USP6NL: variants seen among roughly 807,000 people sequenced by gnomAD.
USP6NL encodes the protein USP6 N-terminal like.
In USP6NL, 26 loss-of-function variants were observed where a neutral mutation model predicts 61.9. The ratio of observed to expected loss-of-function variants is 0.42; its 90% CI spans 0.31 to 0.58. The LOEUF (loss-of-function observed/expected upper bound fraction) is 0.58, where lower values mean the gene tolerates loss of function less well. Among genes scored for constraint, USP6NL ranks in the 20% least tolerant of loss-of-function variants. USP6NL has a pLI of 0.16. For synonymous variants in USP6NL, 432 were observed against 390.1 expected (o/e 1.11, Z -1.27); for missense variants, 1,114 against 1,034.3 (o/e 1.08, Z -1.06).
At position 11,465,502 on chromosome 10, in the gene USP6NL, C is replaced by G. The variant is rs534928973; in HGVS notation, c.1079-1653G>C. On this transcript the variant is annotated intron_variant, in intron 14 of 14. Coordinates refer to ENST00000609104, the MANE Select transcript of USP6NL (RefSeq NM_014688.5). This position sits in a 1 kb window ranked among gnomAD's most constrained non-coding sequence, Gnocchi z 4.5. ...GCAGAGAGCCACCAACTTTTTAGCT[C>G]ACATGAAATAATTTAAAATGTCTTT... Among the ~76,000 whole-genome samples, 119 of 152,256 alleles carry G rather than the reference C, an allele frequency of 7.8e-4. 2 individuals carry two copies. Among genetic ancestry groups the G allele is most frequent in the African/African-American group, 2.7e-3 (113 of 41,542 alleles).
At chr10:11,541,033 A>C (rs971897402) in intron 2 of USP6NL, among the ~76,000 whole-genome samples, 1 of 151,820 alleles carries the variant, frequency 6.6e-6, no homozygotes, top group African/African-American at 2.4e-5. Flanking sequence ...ACAGTACCAC[A>C]GAATTCTCAC....
At chr10:11,544,244 G>C (rs938804626) in intron 2 of USP6NL, among the ~76,000 whole-genome samples, 10 of 151,868 alleles carry the variant, frequency 6.6e-5, no homozygotes, top group Admixed American at 2.0e-4. Context: ...TAAACTCTAT[G>C]AAGAAGTCAC....
chr10:11,521,063 T>C (rs539698538), intron 4 of USP6NL, among the ~76,000 whole-genome samples: 1 of 152,330 alleles, frequency 6.6e-6, no homozygotes, highest in South Asian at 2.1e-4. Context: ...TTGAAAGTAT[T>C]ACTAATCGGA....
chr10:11,583,543 CTCTTTT>C (rs1837861499), intron 2 of USP6NL, among the ~76,000 whole-genome samples: 1 of 151,964 alleles, frequency 6.6e-6, no homozygotes, highest in African/African-American at 2.4e-5. Context: ...GAACTGACTT[CTCTTTT>C]AACTTTGCAA....
chr10:11,509,502 T>G lies in USP6NL; in HGVS notation c.276+93A>C, dbSNP rs1037180674. On this transcript the variant is annotated intron_variant, in intron 6 of 14. Transcript: ENST00000609104. The stretch of plus-strand genomic sequence containing the variant: ...CCAAAATTTCAAAACCAAATATGAA[T>G]GTAACACTCTTATAATTAAAGAAGA... 5 of 1,218,752 alleles carry G rather than the reference T, an allele frequency of 4.1e-6. No homozygotes were observed. In the African/African-American group the frequency reaches 7.7e-5, roughly 19 times the overall value. The allele number at this position is 1,218,752 out of a possible 1,614,324, so 75.5% of individuals were successfully genotyped here. A position where few individuals can be genotyped will look rare whatever the true frequency, so the allele number is the denominator to read the frequency against.
intron 5 of USP6NL, among the ~76,000 whole-genome samples, chr10:11,516,080 T>C (rs1834943858): frequency 6.6e-6 from 1 of 152,202 alleles, no homozygotes; most frequent in Admixed American, 6.5e-5. Flanking sequence ...AATCCATTAT[T>C]AATACAGTTC....
At position 11,460,624 on chromosome 10, in the gene USP6NL, CATATAT is replaced by C. The variant is rs57177555; in HGVS notation, c.*1811_*1816del. ...CTTGTGTGTATATATATATTTTTTG[CATATAT>C]ATATATATATATATATATATATATA... On this transcript the variant is annotated 3_prime_UTR_variant, in exon 15 of 15. Transcript: ENST00000609104. The C allele has an allele frequency of 0.13, 16,373 of 126,624 alleles. 1,009 individuals carry two copies. Among genetic ancestry groups the C allele is most frequent in the East Asian group, 0.15 (713 of 4,784 alleles). The allele number at this position is 126,624 out of a possible 1,614,324, so 7.8% of individuals were successfully genotyped here. A position where few individuals can be genotyped will look rare whatever the true frequency, so the allele number is the denominator to read the frequency against.
rs1223684329 is a variant in USP6NL, at chr10:11,513,248, C to G, written c.196-3573G>C. 1.3e-5 allele frequency among the ~76,000 whole-genome samples: 2 copies of G among 152,134 alleles called. No homozygotes were observed. The highest frequency in any genetic ancestry group is 2.9e-5 in the Non-Finnish European group (2 of 68,032). The stretch of plus-strand genomic sequence containing the variant: ...ATGAATATGAACAGATAGACTGAAA[C>G]CAGAATGTTATTTCTGATAGCAATG... On this transcript the variant is annotated intron_variant, in intron 5 of 14. Coordinates refer to ENST00000609104, the MANE Select transcript of USP6NL (RefSeq NM_014688.5). The surrounding 1 kb of genome is among the most constrained non-coding windows in gnomAD (Gnocchi z 4.7).
chr10:11,566,383 T>A (rs1300822743), intron 2 of USP6NL, among the ~76,000 whole-genome samples: 1 of 152,226 alleles, frequency 6.6e-6, no homozygotes, highest in Non-Finnish European at 1.5e-5. Context: ...ATTTGTTTAT[T>A]TACCAAACGC....
intron 2 of USP6NL, 142 bp from the exon 3 acceptor site, chr10:11,527,709 T>A: frequency 1.3e-6 from 1 of 757,050 alleles, no homozygotes; most frequent in African/African-American, 1.8e-5. Flanking sequence ...AAGGATGAGT[T>A]AAGTATTTGT....
At chr10:11,576,415 A>AAG (rs1555173261) in intron 2 of USP6NL, among the ~76,000 whole-genome samples, 1 of 151,996 alleles carries the variant, frequency 6.6e-6, no homozygotes, top group Non-Finnish European at 1.5e-5. Context: ...CTAACCCCCA[A>AAG]GGTGATGGTA....
chr10:11,543,021 A>T (rs1836128997), intron 2 of USP6NL, among the ~76,000 whole-genome samples: 1 of 152,222 alleles, frequency 6.6e-6, no homozygotes, highest in South Asian at 2.1e-4. Flanking sequence ...GTGTGAGGTC[A>T]TCAAGAAAGC....
rs146357258 is a variant in USP6NL, at chr10:11,527,643, A to G, written c.5-76T>C. ...AGTTAATTAATTATGAAACTAAGACATAATAAAACAAAAAATAAATACTGC... is the reference window on the plus strand; with the variant it reads ...AGTTAATTAATTATGAAACTAAGACGTAATAAAACAAAAAATAAATACTGC... On this transcript the variant is annotated intron_variant, in intron 2 of 14. Transcript: ENST00000609104. 299 of 1,295,858 alleles carry G rather than the reference A, an allele frequency of 2.3e-4. 1 individual carries two copies. The African/African-American group carries it at 3.9e-3, about 17-fold the overall frequency. 80.3% of individuals were successfully genotyped at this position (1,295,858 alleles called of 1,614,324 possible). A position where few individuals can be genotyped will look rare whatever the true frequency, so the allele number is the denominator to read the frequency against.
chr10:11,575,199 T>C lies in USP6NL; in HGVS notation c.4+22432A>G, dbSNP rs1249289907. Among the ~76,000 whole-genome samples, 1 of 152,228 alleles carries C rather than the reference T, an allele frequency of 6.6e-6. No individual in the cohort carries two copies. The highest frequency in any genetic ancestry group is 1.9e-4 in the East Asian group (1 of 5,200). The stretch of plus-strand genomic sequence containing the variant: ...TAAACCTCAAGTCAAAACTGTGATC[T>C]TGAATCCTTCTGTAGATGTAAATTT... On this transcript the variant is annotated intron_variant, in intron 2 of 14. Transcript: ENST00000609104. This position sits in a 1 kb window ranked among gnomAD's most constrained non-coding sequence, Gnocchi z 4.2.
intron 2 of USP6NL, among the ~76,000 whole-genome samples, chr10:11,534,199 T>C (rs1756666345): frequency 6.6e-6 from 1 of 152,238 alleles, no homozygotes; most frequent in Non-Finnish European, 1.5e-5. Context: ...TGATTTTCCA[T>C]CACTGACCTT....
At position 11,597,490 on chromosome 10, in the gene USP6NL, CA is replaced by C; in HGVS notation, c.4+140del. The C allele has an allele frequency of 1.3e-6, 1 of 789,676 alleles. No individual in the cohort carries two copies. Among genetic ancestry groups the C allele is most frequent in the Non-Finnish European group, 2.1e-6 (1 of 485,392 alleles). The allele number at this position is 789,676 out of a possible 1,614,324, so 48.9% of individuals were successfully genotyped here. A position where few individuals can be genotyped will look rare whatever the true frequency, so the allele number is the denominator to read the frequency against. On this transcript the variant is annotated intron_variant, in intron 2 of 14. Transcript: ENST00000609104. This position sits in a 1 kb window ranked among gnomAD's most constrained non-coding sequence, Gnocchi z 4.6. ...CTCCTTGTCTTAACACAGACAAGCG[CA>C]GAGTGCTGGGTGGAACCACATTCAA... is the stretch of plus-strand genomic sequence containing the variant.
chr10:11,485,254 A>G lies in USP6NL; in HGVS notation c.760-20T>C. On this transcript the variant is annotated intron_variant, in intron 11 of 14. Coordinates refer to ENST00000609104, the MANE Select transcript of USP6NL (RefSeq NM_014688.5). This position sits in a 1 kb window ranked among gnomAD's most constrained non-coding sequence, Gnocchi z 4.8. ...AGAATCCTGAAAAAACAAAGAGCTCACAATTTATGGATTGTAGCAAACTAA... is the reference window on the plus strand; with the variant it reads ...AGAATCCTGAAAAAACAAAGAGCTCGCAATTTATGGATTGTAGCAAACTAA... The G allele has an allele frequency of 6.6e-7, 1 of 1,510,960 alleles. No homozygotes were observed. 93.6% of individuals were successfully genotyped at this position (1,510,960 alleles called of 1,614,324 possible). A position where few individuals can be genotyped will look rare whatever the true frequency, so the allele number is the denominator to read the frequency against.
chr10:11,473,276 G>A (rs1052189923), intron 14 of USP6NL, among the ~76,000 whole-genome samples: 2 of 152,318 alleles, frequency 1.3e-5, no homozygotes, highest in East Asian at 3.9e-4. Flanking sequence ...CAGTGTATTA[G>A]GTGCTGGTGA....
rs1271924743 is a variant in USP6NL at position 11,481,412 on chromosome 10, C to G, written c.1078+358G>C. Among the ~76,000 whole-genome samples, 1 of 152,018 alleles carries G rather than the reference C, an allele frequency of 6.6e-6. No individual in the cohort carries two copies. Among genetic ancestry groups the G allele is most frequent in the Non-Finnish European group, 1.5e-5 (1 of 68,010 alleles). ...ACTGTACTTACTATTGCTGTACTTA[C>G]TATTGTATACGGTTTCACAAAATGA... On this transcript the variant is annotated intron_variant, in intron 14 of 14. Coordinates refer to ENST00000609104, the MANE Select transcript of USP6NL (RefSeq NM_014688.5). The surrounding 1 kb of genome is among the most constrained non-coding windows in gnomAD (Gnocchi z 4.4).
Sources: allele counts gnomAD v4.1 joint callset (sites outside exome capture counted in the v4.1 genomes callset), GRCh38; gene constraint gnomAD v4.1.1; non-coding constraint Gnocchi (gnomAD v3.1); transcripts MANE v1.5; gene names NCBI Gene and HGNC (gene_info 2026-07-23, HGNC 2026-07-21).